Variants in NFIB observed in about 807,000 individuals in gnomAD.
The protein encoded by NFIB is nuclear factor I B, also known as nuclear factor 1 B-type.
In NFIB, 11 loss-of-function variants were observed where a neutral mutation model predicts 61.5. That is an observed-to-expected ratio of 0.18 (90% CI 0.11 to 0.30). The LOEUF (loss-of-function observed/expected upper bound fraction) is 0.30, where lower values mean the gene tolerates loss of function less well. Ranked by LOEUF, NFIB falls within the 10% of genes least tolerant of loss-of-function variation. NFIB has a pLI of 1.00. For synonymous variants in NFIB, 260 were observed against 216.5 expected (o/e 1.20, Z -1.76); for missense variants, 471 against 608.9 (o/e 0.77, Z 2.38).
chr9:14,274,251 T>TGC (rs773858697), intron 2 of NFIB, among the ~76,000 whole-genome samples: 4 of 123,976 alleles, frequency 3.2e-5, no homozygotes, highest in African/African-American at 1.3e-4. Context: ...TCTTCCTCCC[T>TGC]ACACACACAC....
At chr9:14,406,099 C>T in the NFIB span, among the ~76,000 whole-genome samples, 4 of 152,006 alleles carry the variant, frequency 2.6e-5, no homozygotes, top group African/African-American at 9.7e-5. Flanking sequence ...TTACAAGTGG[C>T]CAAGGAGGAA....
chr9:14,292,970 A>C (rs1161977700), intron 2 of NFIB, among the ~76,000 whole-genome samples: 1 of 152,230 alleles, frequency 6.6e-6, no homozygotes, highest in African/African-American at 2.4e-5. Flanking sequence ...TAAAAGAAAG[A>C]ATAGAGTAAA....
the NFIB span, among the ~76,000 whole-genome samples, chr9:14,412,600 C>A: frequency 6.6e-6 from 1 of 152,146 alleles, no homozygotes; most frequent in Non-Finnish European, 1.5e-5. Flanking sequence ...GGTTGTAGGG[C>A]TTCCAGAAGA....
At chr9:14,216,500 C>T (rs1318261240) in intron 2 of NFIB, among the ~76,000 whole-genome samples, 2 of 1,710 alleles carry the variant, frequency 1.2e-3, no homozygotes, top group South Asian at 0.038. Flanking sequence ...CTTTCTCTCT[C>T]TCTCTCTCTC....
At chr9:14,188,504 C>T (rs2047617417) in intron 2 of NFIB, among the ~76,000 whole-genome samples, 1 of 152,174 alleles carries the variant, frequency 6.6e-6, no homozygotes, top group Admixed American at 6.5e-5. Context: ...TTATTCAAAA[C>T]ATTTCTTTTC....
intron 1 of NFIB, among the ~76,000 whole-genome samples, chr9:14,325,961 A>T (rs2060747503): frequency 6.6e-6 from 1 of 152,184 alleles, no homozygotes; most frequent in Non-Finnish European, 1.5e-5. Flanking sequence ...ATTTGGAAAG[A>T]TTCATATTTT....
chr9:14,213,952 G>T (rs1336390913), intron 2 of NFIB, among the ~76,000 whole-genome samples: 2 of 128,494 alleles, frequency 1.6e-5, no homozygotes, highest in African/African-American at 5.1e-5. Context: ...CAAATTTAAG[G>T]GGGGAAGAGT....
chr9:14,232,394 C>T (rs747351933), intron 2 of NFIB, among the ~76,000 whole-genome samples: 2 of 152,202 alleles, frequency 1.3e-5, no homozygotes, highest in Non-Finnish European at 2.9e-5. Context: ...CTTCCTGCTG[C>T]AAAACGCACC....
At chr9:14,456,774 T>C in the NFIB span, among the ~76,000 whole-genome samples, 1 of 152,176 alleles carries the variant, frequency 6.6e-6, no homozygotes, top group East Asian at 1.9e-4. Context: ...TAGGGGACAA[T>C]TTGCCCATAT....
chr9:14,206,067 T>C (rs1156566989), intron 2 of NFIB, among the ~76,000 whole-genome samples: 1 of 152,128 alleles, frequency 6.6e-6, no homozygotes, highest in Non-Finnish European at 1.5e-5. Context: ...ATCAAAATAA[T>C]CAGTCACACA....
chr9:14,462,546 T>C, the NFIB span, among the ~76,000 whole-genome samples: 2 of 152,136 alleles, frequency 1.3e-5, no homozygotes, highest in East Asian at 3.9e-4. Context: ...CCTCCCAAAG[T>C]GCTGGGATTA....
the NFIB span, among the ~76,000 whole-genome samples, chr9:14,511,527 GAGT>G: frequency 3.0e-5 from 1 of 33,096 alleles, no homozygotes; most frequent in Non-Finnish European, 1.0e-4. Flanking sequence ...TTAATTGTAT[GAGT>G]TAAGTACTCA....
the NFIB span, among the ~76,000 whole-genome samples, chr9:14,410,322 C>T: frequency 6.6e-6 from 1 of 152,162 alleles, no homozygotes; most frequent in East Asian, 1.9e-4. Context: ...TATTTTGCCC[C>T]ACTGTAGCCA....
At chr9:14,495,642 A>T in the NFIB span, among the ~76,000 whole-genome samples, 1 of 152,070 alleles carries the variant, frequency 6.6e-6, no homozygotes, top group Non-Finnish European at 1.5e-5. Flanking sequence ...TTCCAGGTGC[A>T]GTGTAATTAA....
At chr9:14,364,304 T>C (rs917388760) in intron 1 of NFIB, among the ~76,000 whole-genome samples, 5 of 152,174 alleles carry the variant, frequency 3.3e-5, no homozygotes, top group Non-Finnish European at 7.4e-5. Flanking sequence ...GTGAAGTTTG[T>C]TGGCTTTGTG....
At chr9:14,487,486 G>A in the NFIB span, among the ~76,000 whole-genome samples, 1 of 152,204 alleles carries the variant, frequency 6.6e-6, no homozygotes, top group Non-Finnish European at 1.5e-5. Context: ...AGCACAGGCA[G>A]TTAGGCCCCT....
Position 14,376,855 on chromosome 9 carries a change from A to C in NFIB, c.108+21669T>G, listed in dbSNP as rs374458915. 1.3e-4 allele frequency among the ~76,000 whole-genome samples: 20 copies of C among 152,106 alleles called. No individual in the cohort carries two copies. The East Asian group carries it at 3.5e-3, about 27-fold the overall frequency. ...TTTTTTTAAAAAAAGAGAGAAAGTT[A>C]TTACTCATTCAAAAATCTGTGTCAC... On this transcript the variant is annotated intron_variant, in intron 1 of 8. Coordinates refer to the NFIB transcript ENST00000380934.
chr9:14,305,047 T>A (rs1232898796), intron 2 of NFIB, among the ~76,000 whole-genome samples: 1 of 152,246 alleles, frequency 6.6e-6, no homozygotes, highest in Admixed American at 6.5e-5. Context: ...ACAAAATCAA[T>A]GTTTTATCTA....
At chr9:14,147,912 G>A (rs879295856) in intron 5 of NFIB, among the ~76,000 whole-genome samples, 57 of 152,068 alleles carry the variant, frequency 3.7e-4, no homozygotes, top group Admixed American at 7.2e-4. Flanking sequence ...AAAGTGCTGG[G>A]ATTACAGGCA....
Sources: gnomAD v4.1 joint callset for allele counts (sites outside exome capture counted in the v4.1 genomes callset) on GRCh38, gnomAD v4.1.1 for gene constraint, MANE v1.5 for transcripts, NCBI Gene and HGNC (gene_info 2026-07-23, HGNC 2026-07-21) for gene names.